The following CD99 variants were observed in gnomAD, a reference collection of about 807,000 sequenced individuals.
CD99 encodes the protein CD99 antigen.
A neutral mutation model predicts 28.4 loss-of-function variants in CD99; 19 were observed. The ratio of observed to expected loss-of-function variants is 0.67; its 90% CI spans 0.47 to 0.98. The LOEUF (loss-of-function observed/expected upper bound fraction) is 0.98. Ranked by LOEUF, CD99 falls within the 50% of genes least tolerant of loss-of-function variation. The probability of loss-of-function intolerance (pLI) is 0.00; values close to 1 mark genes in which losing one functional copy is unlikely to be tolerated. For synonymous variants in CD99, 103 were observed against 92.1 expected, an observed-to-expected ratio of 1.12 and a Z score of -0.67; for missense variants, 283 against 248.8, an observed-to-expected ratio of 1.14 and a Z score of -0.92.
intron 1 of CD99, among the ~76,000 whole-genome samples, chrX:2,695,754 C>T (rs1369103612): frequency 6.6e-6 from 1 of 151,868 alleles, no homozygotes; most frequent in African/African-American, 2.4e-5. Flanking sequence ...CTGCCTCAGA[C>T]ACCTGAATAG....
rs746939848 is a variant in CD99 at position 2,694,280 on chromosome X, T to G, written c.67+2853T>G. Among the ~76,000 whole-genome samples, 11 of 119,644 alleles carry G rather than the reference T, an allele frequency of 9.2e-5. No individual in the cohort carries two copies. The East Asian group carries it at 2.3e-3, about 25-fold the overall frequency. The allele number at this position is 119,644 out of a possible 152,430, so 78.5% of individuals were successfully genotyped here. ...AGTAGAGCAAGTGTGGGCTTCGTTG[T>G]TTTTTTTTTTTTTTAACTCTCTCCA... On this transcript the variant is annotated intron_variant, in intron 1 of 9. Coordinates refer to ENST00000381192, the MANE Select transcript of CD99 (RefSeq NM_002414.5).
intron 9 of CD99, among the ~76,000 whole-genome samples, chrX:2,739,165 A>C (rs1339872842): frequency 1.3e-5 from 2 of 152,146 alleles, no homozygotes; most frequent in Non-Finnish European, 1.5e-5. Flanking sequence ...TACCGCACCC[A>C]GCCTGCTATC....
At chrX:2,726,430 C>G (rs760990686) in intron 8 of CD99, 57 bp downstream of exon 8, 4 of 1,173,536 alleles carry the variant, frequency 3.4e-6, no homozygotes, top group East Asian at 2.3e-5. Flanking sequence ...GAAAACTGTG[C>G]TTTCTTTAAA....
intron 8 of CD99, among the ~76,000 whole-genome samples, chrX:2,732,508 T>C (rs966062424): frequency 6.7e-6 from 1 of 149,344 alleles, no homozygotes; most frequent in Non-Finnish European, 1.5e-5. Context: ...CCTCCCTCCT[T>C]CTTTTCTCTC....
chrX:2,699,038 T>C (rs1005672504), intron 1 of CD99, among the ~76,000 whole-genome samples: 2 of 151,988 alleles, frequency 1.3e-5, no homozygotes, highest in African/African-American at 2.4e-5. Context: ...GCAGCCCACC[T>C]ACCTCAGCCT....
chrX:2,695,213 C>CT (rs760616226), intron 1 of CD99, among the ~76,000 whole-genome samples: 3,792 of 148,330 alleles, frequency 0.026, 139 homozygotes, highest in African/African-American at 0.084. Context: ...GAGGAAAAGT[C>CT]TTTTTTTTTT....
rs34406271 is a variant in CD99, at chrX:2,741,006, G to GA, written c.*203dup. The GA allele has an allele frequency of 1.0e-2, 6,477 of 647,934 alleles. 48 individuals carry two copies. The highest frequency in any genetic ancestry group is 0.024 in the Middle Eastern group (54 of 2,292). The allele number at this position is 647,934 out of a possible 1,614,324, so 40.1% of individuals were successfully genotyped here. A position where few individuals can be genotyped will look rare whatever the true frequency, so the allele number is the denominator to read the frequency against. ...ACGATGAATTTTACATCCAAAGGGG[G>GA]ATAGGCACTTGGACCCCCATTCTCC... On this transcript the variant is annotated 3_prime_UTR_variant, in exon 10 of 10. Transcript: ENST00000381192.
chrX:2,725,933 C>CT (rs1276358751), intron 7 of CD99, among the ~76,000 whole-genome samples: 1 of 152,110 alleles, frequency 6.6e-6, no homozygotes, highest in Non-Finnish European at 1.5e-5. Context: ...TTCCATCTGT[C>CT]TTTGTCTTTT....
At chrX:2,701,994 A>G (rs1476624268) in intron 1 of CD99, among the ~76,000 whole-genome samples, 1 of 152,188 alleles carries the variant, frequency 6.6e-6, no homozygotes, top group Non-Finnish European at 1.5e-5. Flanking sequence ...CACCTTGGAA[A>G]GTTTCTGATT....
At chrX:2,739,564 C>T (rs1337144264) in intron 9 of CD99, among the ~76,000 whole-genome samples, 1 of 152,040 alleles carries the variant, frequency 6.6e-6, no homozygotes, top group Non-Finnish European at 1.5e-5. Context: ...ATTCTCCTTC[C>T]TCAGCCTTCT....
At chrX:2,724,460 G>A (rs2049168802) in intron 7 of CD99, among the ~76,000 whole-genome samples, 1 of 151,770 alleles carries the variant, frequency 6.6e-6, no homozygotes, top group Non-Finnish European at 1.5e-5. Context: ...CTCACATCTG[G>A]CATTTGGAAT....
intron 1 of CD99, among the ~76,000 whole-genome samples, chrX:2,697,351 T>C (rs2047625379): frequency 1.3e-5 from 2 of 152,178 alleles, no homozygotes; most frequent in African/African-American, 4.8e-5. Flanking sequence ...GGAGTAAAGC[T>C]GTTGCTCCAA....
intron 8 of CD99, chrX:2,733,457 C>A: frequency 7.0e-7 from 1 of 1,421,300 alleles, no homozygotes; most frequent in Non-Finnish European, 9.7e-7. Flanking sequence ...TAAAGCAAAC[C>A]CTTCCATCTG....
rs191789243 is a variant in CD99, at chrX:2,728,577, C to T, written c.475+2204C>T. ...CATTCAAGGAGATGCCTGTAAGAGA[C>T]GTACGATTAGAATCACGTTGGAAAA... On this transcript the variant is annotated intron_variant, in intron 8 of 9. Transcript: ENST00000381192. Among the ~76,000 whole-genome samples, 264 of 152,176 alleles carry T rather than the reference C, an allele frequency of 1.7e-3. 2 individuals are homozygous for T. The highest frequency in any genetic ancestry group is 5.6e-3 in the African/African-American group (233 of 41,524).
intron 8 of CD99, among the ~76,000 whole-genome samples, chrX:2,732,684 T>C (rs1014832512): frequency 7.2e-6 from 1 of 138,594 alleles, no homozygotes; most frequent in African/African-American, 3.3e-5. Context: ...TTCTTCCTTC[T>C]CTTTTCTTCT....
intron 7 of CD99, chrX:2,723,571 C>T (rs17205616): frequency 0.03 from 19,314 of 633,870 alleles, 718 homozygotes; most frequent in East Asian, 0.16. Context: ...GCCCACGTGA[C>T]GCGGATTTTA....
chrX:2,711,034 C>G (rs1358534604), intron 1 of CD99, among the ~76,000 whole-genome samples: 1 of 150,568 alleles, frequency 6.6e-6, no homozygotes, highest in Non-Finnish European at 1.5e-5. Context: ...CCACGCCTGG[C>G]CAATTTTTTT....
chrX:2,732,806 CTTTT>C (rs887436580), intron 8 of CD99, among the ~76,000 whole-genome samples: 56 of 147,496 alleles, frequency 3.8e-4, no homozygotes, highest in African/African-American at 1.3e-3. Flanking sequence ...TCCTTCCTTT[CTTTT>C]TTTCCTCTCT....
intron 2 of CD99, among the ~76,000 whole-genome samples, chrX:2,716,037 G>T (rs1474505779): frequency 1.4e-5 from 2 of 139,468 alleles, no homozygotes; most frequent in Non-Finnish European, 1.5e-5. Flanking sequence ...TTTTTTTTCC[G>T]AGATGGAGTC....
Sources: allele counts gnomAD v4.1 joint callset (sites outside exome capture counted in the v4.1 genomes callset), GRCh38; gene constraint gnomAD v4.1.1; transcripts MANE v1.5; gene names NCBI Gene and HGNC (gene_info 2026-07-23, HGNC 2026-07-21).